TUBG1: variants seen among roughly 807,000 people sequenced by gnomAD.
TUBG1 encodes tubulin gamma 1.
TUBG1 carries 22 observed loss-of-function variants against 53.3 expected under a neutral mutation model. The observed-to-expected ratio is 0.41, with a 90% CI of 0.29 to 0.59. TUBG1 has a LOEUF of 0.59. Among genes scored for constraint, TUBG1 ranks in the 20% least tolerant of loss-of-function variants. TUBG1 has a pLI of 0.26. For missense variants in TUBG1, 217 were observed against 598.9 expected (o/e 0.36, Z 6.66); for synonymous variants, 198 against 236.7 (o/e 0.84, Z 1.50).
Position 42,612,037 on chromosome 17 carries a change from G to A in TUBG1, c.331-38G>A, listed in dbSNP as rs776449638. The A allele has an allele frequency of 1.2e-5, 19 of 1,607,718 alleles. No individual in the cohort carries two copies. The South Asian group carries it at 2.1e-4, about 18-fold the overall frequency. On this transcript the variant is annotated intron_variant, in intron 3 of 10. Coordinates refer to ENST00000251413, the MANE Select transcript of TUBG1 (RefSeq NM_001070.5). ...TTTCTGAGGTCAGAGACCTCCCATG[G>A]TTCTGTCCCACTCTGACCCTCCCCT...
chr17:42,612,554 A>G, intron 5 of TUBG1, 48 bp downstream of exon 5: 1 of 1,571,366 alleles, frequency 6.4e-7, no homozygotes, highest in Non-Finnish European at 8.8e-7. Flanking sequence ...TTGGCTTCCT[A>G]AATGACTAGG....
Position 42,609,726 on chromosome 17 carries a change from G to A in TUBG1, c.-12G>A, listed in dbSNP as rs369126594. 1.1e-5 allele frequency: 17 copies of A among 1,548,766 alleles called. No homozygotes were observed. Among genetic ancestry groups the A allele is most frequent in the Middle Eastern group, 1.7e-4 (1 of 5,838 alleles). On this transcript the variant is annotated 5_prime_UTR_variant, in exon 1 of 11. Transcript: ENST00000251413. ...GGGCGGGAGCGGCTGCAACGCCGGT[G>A]CCTGAGGAGCGATGCCGAGGGAAAT...
In TUBG1 at chr17:42,612,408, C is replaced by T; in HGVS notation, c.400-19C>T. The T allele has an allele frequency of 6.2e-7, 1 of 1,613,224 alleles. No homozygotes were observed. Among genetic ancestry groups the T allele is most frequent in the Non-Finnish European group, 8.5e-7 (1 of 1,179,496 alleles). On this transcript the variant is annotated intron_variant, in intron 4 of 10. Transcript: ENST00000251413. The stretch of plus-strand genomic sequence containing the variant: ...CTGCCACTAGATACCTGTACACTGA[C>T]TGCCCCTTCCCCATGCAGGGCTTTG...
At position 42,613,025 on chromosome 17, in the gene TUBG1, C is replaced by T. The variant is rs1400498649; in HGVS notation, c.558C>T (p.Tyr186=). 1.2e-6 allele frequency: 2 copies of T among 1,614,150 alleles called. No homozygotes were observed. Among genetic ancestry groups the T allele is most frequent in the South Asian group, 2.2e-5 (2 of 91,080 alleles). Residue 186 remains tyrosine (Y), a synonymous_variant, in exon 6 of 11, where the codon TAC becomes TAT. Transcript: ENST00000251413. ...TGAGCGATGTGGTGGTCCAGCCTTA[C>T]AATTCACTCCTCACACTCAAGAGGC... ...DEMSDVVVQP[Y]NSLLTLKRLT...
chr17:42,614,469 C>A lies in TUBG1; in HGVS notation c.997-27C>A, dbSNP rs2143456229. The A allele has an allele frequency of 2.5e-6, 4 of 1,613,998 alleles. No individual in the cohort carries two copies. In the East Asian group the frequency reaches 6.7e-5, roughly 27 times the overall value. The stretch of plus-strand genomic sequence containing the variant: ...ACCTGCAGGGGTAGAGGAGAGGCCA[C>A]CTCCACTGCTCCTATGCCCACCCCA... On this transcript the variant is annotated intron_variant, in intron 9 of 10. Coordinates refer to ENST00000251413, the MANE Select transcript of TUBG1 (RefSeq NM_001070.5). The surrounding 1 kb of genome is among the most constrained non-coding windows in gnomAD (Gnocchi z 5.1).
chr17:42,612,233 C>A, intron 4 of TUBG1, 90 bp downstream of exon 4: 2 of 1,419,354 alleles, frequency 1.4e-6, no homozygotes, highest in Non-Finnish European at 2.0e-6. Context: ...AAGACCCACT[C>A]ATGTACCCTT....
chr17:42,612,239 C>T (rs2052042043), intron 4 of TUBG1, 96 bp downstream of exon 4: 1 of 1,383,598 alleles, frequency 7.2e-7, no homozygotes. Flanking sequence ...CACTCATGTA[C>T]CCTTTGCACT....
rs2052059432 is a variant in TUBG1, at chr17:42,614,284, G to A, written c.868G>A (p.Val290Ile). 1 of 1,613,952 alleles carries A rather than the reference G, an allele frequency of 6.2e-7. No individual in the cohort carries two copies. The highest frequency in any genetic ancestry group is 8.5e-7 in the Non-Finnish European group (1 of 1,179,860). ...QSVASVRKTT[V>I]LDVMRRLLQP... ...GGTGGCCAGCGTGAGGAAGACCACG[G>A]TCCTGGATGTCATGAGGCGGCTGCT... The change falls in exon 9 of 11, where the codon GTC becomes ATC. Residue 290 changes from valine to isoleucine, a missense_variant. Val to Ile is a conservative substitution (Grantham distance 29, BLOSUM62 3). Coordinates refer to ENST00000251413, the MANE Select transcript of TUBG1 (RefSeq NM_001070.5). This position sits in a 1 kb window ranked among gnomAD's most constrained non-coding sequence, Gnocchi z 5.1.
intron 6 of TUBG1, 89 bp downstream of exon 6, chr17:42,613,162 C>A (rs2052049485): frequency 1.3e-6 from 2 of 1,533,998 alleles, no homozygotes; most frequent in African/African-American, 2.7e-5. Flanking sequence ...AAAAAAAATC[C>A]ATTTTAGCCA....
intron 3 of TUBG1, chr17:42,611,323 A>T (rs1275206120): frequency 6.6e-6 from 1 of 152,192 alleles, no homozygotes; most frequent in Non-Finnish European, 1.5e-5. Context: ...TTACAGAAAT[A>T]CTAATATATT....
intron 3 of TUBG1, chr17:42,611,182 G>C (rs1007609521): frequency 6.6e-6 from 1 of 152,210 alleles, no homozygotes; most frequent in Non-Finnish European, 1.5e-5. Flanking sequence ...GTGTTAGCCA[G>C]GGTGGTCTTG....
chr17:42,610,655 G>A (rs759002793), intron 3 of TUBG1, 65 bp downstream of exon 3: 272 of 1,605,056 alleles, frequency 1.7e-4, no homozygotes, highest in Non-Finnish European at 2.2e-4. Context: ...ATGACGTCCC[G>A]AAGAGAGGGA....
intron 6 of TUBG1, 42 bp from the exon 7 acceptor site, chr17:42,613,605 T>A (rs1372043688): frequency 1.2e-6 from 2 of 1,613,984 alleles, no homozygotes; most frequent in Non-Finnish European, 1.7e-6. Flanking sequence ...GCTCCTGTTT[T>A]TCTTATCCCC....
In TUBG1 at chr17:42,614,410, C is replaced by T; in HGVS notation, c.994C>T (p.Gln332Ter). Residue 332 changes from glutamine to a stop codon, truncating the protein, a stop_gained and splice_region_variant, in exon 9 of 11, where the codon CAG becomes TAG. Transcript: ENST00000251413. LOFTEE classifies it high-confidence loss of function. The surrounding 1 kb of genome is among the most constrained non-coding windows in gnomAD (Gnocchi z 5.1). ...CATCCAGGGAGAGGTGGACCCCACCCAGGTAGGGGAGGCCCCTTCATCCCA... is the reference window on the plus strand; with the variant it reads ...CATCCAGGGAGAGGTGGACCCCACCTAGGTAGGGGAGGCCCCTTCATCCCA... ...NIIQGEVDPT[Q>*]VHKSLQRIRE... The T allele has an allele frequency of 4.3e-6, 7 of 1,614,026 alleles. No individual in the cohort carries two copies. The highest frequency in any genetic ancestry group is 5.9e-6 in the Non-Finnish European group (7 of 1,179,920).
chr17:42,614,797 T>G lies in TUBG1; in HGVS notation c.1159-47T>G. On this transcript the variant is annotated intron_variant, in intron 10 of 10. Coordinates refer to ENST00000251413, the MANE Select transcript of TUBG1 (RefSeq NM_001070.5). This position sits in a 1 kb window ranked among gnomAD's most constrained non-coding sequence, Gnocchi z 5.1. ...TGGTTCCCCAGCTTTCTGGGCCACGTTATTCTTTGAAGTTCTTTGTAACCC... is the reference window on the plus strand; with the variant it reads ...TGGTTCCCCAGCTTTCTGGGCCACGGTATTCTTTGAAGTTCTTTGTAACCC... The G allele has an allele frequency of 6.2e-7, 1 of 1,613,064 alleles. No individual in the cohort carries two copies. Among genetic ancestry groups the G allele is most frequent in the Non-Finnish European group, 8.5e-7 (1 of 1,179,288 alleles).
intron 5 of TUBG1, 29 bp from the exon 6 acceptor site, chr17:42,612,918 G>T (rs1307174087): frequency 1.2e-6 from 2 of 1,613,252 alleles, no homozygotes; most frequent in Non-Finnish European, 1.7e-6. Flanking sequence ...TCGGTCTGTT[G>T]CCCTGATCCT....
At position 42,613,052 on chromosome 17, in the gene TUBG1, G is replaced by A; in HGVS notation, c.585G>A (p.Leu195=). ...ATTCACTCCTCACACTCAAGAGGCTGACGCAGAATGCAGACTGTGTGGTGA... is the reference window on the plus strand; with the variant it reads ...ATTCACTCCTCACACTCAAGAGGCTAACGCAGAATGCAGACTGTGTGGTGA... ...PYNSLLTLKR[L]TQNADCVVVL... is the part of the protein sequence containing the mutation. The change falls in exon 6 of 11, where the codon CTG becomes CTA. Residue 195 remains leucine (L), a synonymous_variant. Transcript: ENST00000251413. 6.2e-7 allele frequency: 1 copy of A among 1,614,084 alleles called. No individual in the cohort carries two copies. The highest frequency in any genetic ancestry group is 2.2e-5 in the East Asian group (1 of 44,884).
Position 42,615,157 on chromosome 17 carries a change from G to A in TUBG1, c.*116G>A. 1.0e-5 allele frequency: 10 copies of A among 955,996 alleles called. No homozygotes were observed. Among genetic ancestry groups the A allele is most frequent in the South Asian group, 6.3e-5 (4 of 63,174 alleles). 59.2% of individuals were successfully genotyped at this position (955,996 alleles called of 1,614,324 possible). On this transcript the variant is annotated 3_prime_UTR_variant, in exon 11 of 11. Coordinates refer to ENST00000251413, the MANE Select transcript of TUBG1 (RefSeq NM_001070.5). ...CACGCATCTCTTTCTCATATACATG[G>A]ACTCTCTGTTGGCCTGCAAACACAT... is the stretch of plus-strand genomic sequence containing the variant.
intron 7 of TUBG1, 32 bp from the exon 8 acceptor site, chr17:42,613,817 T>G (rs1211252937): frequency 6.2e-7 from 1 of 1,614,124 alleles, no homozygotes; most frequent in South Asian, 1.1e-5. Context: ...CCACCCAGGC[T>G]GAGGCCCATA....
Sources: allele counts gnomAD v4.1 joint callset, GRCh38; gene constraint gnomAD v4.1.1; non-coding constraint Gnocchi (gnomAD v3.1); transcripts MANE v1.5; gene names NCBI Gene and HGNC (gene_info 2026-07-23, HGNC 2026-07-21).